CRISP1: variants seen among roughly 807,000 people sequenced by gnomAD.
The protein encoded by CRISP1 is cysteine-rich secretory protein 1.
CRISP1 carries 44 observed loss-of-function variants against 33.1 expected under a neutral mutation model. The observed-to-expected ratio is 1.33, with a 90% CI of 1.05 to 1.71. The LOEUF is 1.71. CRISP1 is among the 40% of genes most tolerant of loss of function. The pLI is 0.00. For synonymous variants in CRISP1, 103 were observed against 98.7 expected (o/e 1.04, Z -0.26); for missense variants, 390 against 301.2 (o/e 1.29, Z -2.18).
intron 1 of CRISP1, among the ~76,000 whole-genome samples, chr6:49,861,528 A>G (rs1340342896): frequency 3.9e-5 from 6 of 152,168 alleles, no homozygotes; most frequent in Non-Finnish European, 1.5e-5. Context: ...ACTCCTTAAA[A>G]GCATTTGATA....
At chr6:49,866,709 T>A (rs1771807178), upstream of CRISP1, among the ~76,000 whole-genome samples, 1 of 152,126 alleles carries the variant, frequency 6.6e-6, no homozygotes, top group African/African-American at 2.4e-5. Context: ...AACTCACCAA[T>A]TTTAAACTTT....
chr6:49,852,914 A>T (rs1188506927), intron 2 of CRISP1, among the ~76,000 whole-genome samples: 1 of 151,114 alleles, frequency 6.6e-6, no homozygotes, highest in Admixed American at 6.6e-5. Flanking sequence ...TACCTTTTTT[A>T]AAAAATGTGG....
At chr6:49,840,760 A>G in intron 6 of CRISP1, 138 bp downstream of exon 6, 1 of 588,530 alleles carries the variant, frequency 1.7e-6, no homozygotes, top group Non-Finnish European at 3.0e-6. Flanking sequence ...TCTTTGAAGG[A>G]CATCTGGGTT....
Position 49,848,227 on chromosome 6 carries a change from G to A in CRISP1, c.268C>T (p.Leu90Phe). The change falls in exon 4 of 8, where the codon CTT (leucine) becomes TTT (phenylalanine). Residue 90 changes from leucine (L) to phenylalanine (F), a missense_variant. Transcript: ENST00000335847. ...CACTTACTTGGAAGTCTCCTCTCAA[G>A]GGGGTTGCTCTCTGTCATATCACAA... Reference protein sequence around the residue: ...KYCDMTESNPLERRLPNTFCG... With the variant: ...KYCDMTESNPFERRLPNTFCG... The A allele has an allele frequency of 6.3e-7, 1 of 1,596,922 alleles. No homozygotes were observed. Among genetic ancestry groups the A allele is most frequent in the Non-Finnish European group, 8.5e-7 (1 of 1,173,064 alleles).
intron 7 of CRISP1, 51 bp downstream of exon 7, chr6:49,838,385 GT>G (rs1277510450): frequency 7.9e-7 from 1 of 1,271,262 alleles, no homozygotes; most frequent in Non-Finnish European, 1.1e-6. Flanking sequence ...AGGATGTATG[GT>G]TCCCAGATCA....
At chr6:49,858,933 G>C (rs1395167574) in intron 1 of CRISP1, among the ~76,000 whole-genome samples, 1 of 152,054 alleles carries the variant, frequency 6.6e-6, no homozygotes, top group African/African-American at 2.4e-5. Context: ...CAACAGATAA[G>C]TGACATGAAA....
intron 5 of CRISP1, among the ~76,000 whole-genome samples, chr6:49,843,876 T>C (rs771555659): frequency 5.3e-5 from 8 of 152,172 alleles, no homozygotes; most frequent in Non-Finnish European, 1.0e-4. Flanking sequence ...GGAAGAAAGG[T>C]AATCTTTGTT....
chr6:49,860,035 T>C (rs930672433), intron 1 of CRISP1, among the ~76,000 whole-genome samples: 2 of 152,060 alleles, frequency 1.3e-5, no homozygotes, highest in African/African-American at 4.8e-5. Context: ...AGAAGGTCAT[T>C]ATGTAATGAA....
chr6:49,852,235 G>T (rs1324581667), intron 2 of CRISP1, 106 bp from the exon 3 acceptor site: 2 of 970,328 alleles, frequency 2.1e-6, no homozygotes, highest in African/African-American at 1.7e-5. Flanking sequence ...ATATTAAACA[G>T]TGATTTATAG....
intron 6 of CRISP1, among the ~76,000 whole-genome samples, chr6:49,839,770 C>T (rs1032039925): frequency 6.6e-6 from 1 of 152,140 alleles, no homozygotes; most frequent in Non-Finnish European, 1.5e-5. Flanking sequence ...CCCTTGAAAA[C>T]ATGTATCACA....
rs1770708970 is a variant in CRISP1 at position 49,834,328 on chromosome 6, T to G, written c.*988A>C. 6.6e-6 allele frequency: 1 copy of G among 152,056 alleles called. No homozygotes were observed. The highest frequency in any genetic ancestry group is 6.6e-5 in the Admixed American group (1 of 15,264). The allele number at this position is 152,056 out of a possible 1,614,324, so 9.4% of individuals were successfully genotyped here. On this transcript the variant is annotated 3_prime_UTR_variant, in exon 8 of 8. Transcript: ENST00000335847. ...ACAAGTAGGTAGAACTGGGTATAAC[T>G]TTGGTATAATGTTAAAATTTGACCA...
intron 7 of CRISP1, among the ~76,000 whole-genome samples, chr6:49,838,217 C>T (rs867649634): frequency 2.0e-5 from 3 of 152,108 alleles, no homozygotes; most frequent in South Asian, 2.1e-4. Context: ...GGTGGGAACT[C>T]GAGTTCTCAG....
At chr6:49,848,161 T>TTA in intron 4 of CRISP1, 48 bp downstream of exon 4, 1 of 225,510 alleles carries the variant, frequency 4.4e-6, no homozygotes, top group South Asian at 1.4e-4. Flanking sequence ...TGTTTTACTA[T>TTA]TTTTTTTTTT....
intron 2 of CRISP1, among the ~76,000 whole-genome samples, chr6:49,854,812 A>G (rs1453949456): frequency 6.6e-6 from 1 of 152,156 alleles, no homozygotes; most frequent in Non-Finnish European, 1.5e-5. Context: ...CGTGATGGGC[A>G]TGATAGGGGG....
Position 49,846,460 on chromosome 6 carries a change from C to T in CRISP1, c.435+60G>A, listed in dbSNP as rs192720869. ...ATGATTTTCAGTTGTTTCTTAGTTA[C>T]GTTTCCACACACATGCTTATCTCTT... On this transcript the variant is annotated intron_variant, in intron 5 of 7. Coordinates refer to ENST00000335847, the MANE Select transcript of CRISP1 (RefSeq NM_001131.3). The T allele has an allele frequency of 2.4e-4, 360 of 1,516,196 alleles. 5 individuals are homozygous for T. The Admixed American group carries it at 6.1e-3, about 26-fold the overall frequency. The allele number at this position is 1,516,196 out of a possible 1,614,324, so 93.9% of individuals were successfully genotyped here.
chr6:49,855,303 A>G (rs1248237705), intron 2 of CRISP1, among the ~76,000 whole-genome samples: 3 of 152,168 alleles, frequency 2.0e-5, no homozygotes, highest in African/African-American at 7.2e-5. Context: ...TTTAAAACAC[A>G]GACACAATGG....
At chr6:49,859,800 A>T (rs1771598045) in intron 1 of CRISP1, among the ~76,000 whole-genome samples, 5 of 152,202 alleles carry the variant, frequency 3.3e-5, no homozygotes, top group Admixed American at 3.3e-4. Context: ...TTAAATTTTC[A>T]ATTTAAAAAA....
Position 49,852,053 on chromosome 6 carries a change from T to G in CRISP1, c.143A>C (p.His48Pro), listed in dbSNP as rs764936134. 7 of 1,613,124 alleles carry G rather than the reference T, an allele frequency of 4.3e-6. No homozygotes were observed. In the East Asian group the frequency reaches 1.6e-4, roughly 36 times the overall value. ...PNVQEEIVNI[H>P]NALRRRVVPP... ...AACTACTCTTCTCCTGAGGGCGTTGTGTATATTAACGATCTCTTCTTGTAC... is the reference window on the plus strand; with the variant it reads ...AACTACTCTTCTCCTGAGGGCGTTGGGTATATTAACGATCTCTTCTTGTAC... The change falls in exon 3 of 8, where the codon CAC becomes CCC. Residue 48 changes from histidine (H) to proline (P), a missense_variant. Coordinates refer to ENST00000335847, the MANE Select transcript of CRISP1 (RefSeq NM_001131.3).
chr6:49,841,782 C>T (rs1770998475), intron 5 of CRISP1, among the ~76,000 whole-genome samples: 1 of 152,154 alleles, frequency 6.6e-6, no homozygotes, highest in South Asian at 2.1e-4. Context: ...CCATCATTTA[C>T]TTCTTGGGTA....
Sources: gnomAD v4.1 joint callset for allele counts (sites outside exome capture counted in the v4.1 genomes callset) on GRCh38, gnomAD v4.1.1 for gene constraint, MANE v1.5 for transcripts, NCBI Gene and HGNC (gene_info 2026-07-23, HGNC 2026-07-21) for gene names.